The following SPTBN1 variants were observed in gnomAD, a reference collection of about 807,000 sequenced individuals.
SPTBN1 encodes the protein spectrin beta, non-erythrocytic 1.
Under a neutral mutation model 266.4 loss-of-function variants are expected in SPTBN1, and 32 were observed. The observed-to-expected ratio is 0.12, with a 90% CI of 0.09 to 0.16. The LOEUF is 0.16. SPTBN1 is among the 10% of genes least tolerant of loss of function. SPTBN1 has a pLI of 1.00. For synonymous variants in SPTBN1, 1,336 were observed against 1,162.2 expected, an observed-to-expected ratio of 1.15 and a Z score of -3.04; for missense variants, 2,296 against 3,067.1, an observed-to-expected ratio of 0.75 and a Z score of 5.94.
chr2:54,465,667 T>C (rs1341715157), intron 1 of SPTBN1, among the ~76,000 whole-genome samples: 2 of 138,810 alleles, frequency 1.4e-5, no homozygotes, highest in Non-Finnish European at 3.1e-5. Context: ...TATATATATA[T>C]ATCTCACACA....
intron 1 of SPTBN1, among the ~76,000 whole-genome samples, chr2:54,463,464 AG>A (rs999182954): frequency 3.3e-5 from 5 of 152,180 alleles, no homozygotes; most frequent in African/African-American, 1.2e-4. Context: ...CTTTGGATGG[AG>A]GGGCCCTGGG....
intron 2 of SPTBN1, among the ~76,000 whole-genome samples, chr2:54,538,907 A>G (rs1231634976): frequency 6.6e-6 from 1 of 152,156 alleles, no homozygotes; most frequent in Admixed American, 6.5e-5. Flanking sequence ...CCTGTGTTAC[A>G]TGTTTACCTA....
chr2:54,657,648 CT>C (rs1444500518), intron 29 of SPTBN1, among the ~76,000 whole-genome samples: 1 of 152,130 alleles, frequency 6.6e-6, no homozygotes, highest in Non-Finnish European at 1.5e-5. Context: ...TATTTTTACT[CT>C]TTTTAATGTG....
At chr2:54,486,420 C>T (rs1385818831) in intron 1 of SPTBN1, among the ~76,000 whole-genome samples, 1 of 152,142 alleles carries the variant, frequency 6.6e-6, no homozygotes, top group African/African-American at 2.4e-5. Context: ...TGTGACCTTA[C>T]CCCCAACCCT....
At chr2:54,505,292 C>A (rs1328762120) in intron 1 of SPTBN1, among the ~76,000 whole-genome samples, 1 of 152,190 alleles carries the variant, frequency 6.6e-6, no homozygotes, top group Non-Finnish European at 1.5e-5. Context: ...CCACACAGTA[C>A]TCAGTTCTTT....
chr2:54,565,479 G>T (rs1029070538), intron 2 of SPTBN1, among the ~76,000 whole-genome samples: 5 of 152,096 alleles, frequency 3.3e-5, no homozygotes, highest in Non-Finnish European at 7.4e-5. Flanking sequence ...ACCTGCCTCA[G>T]TTCTCCCACA....
At chr2:54,461,233 A>G (rs1693352895) in intron 1 of SPTBN1, among the ~76,000 whole-genome samples, 1 of 152,200 alleles carries the variant, frequency 6.6e-6, no homozygotes, top group South Asian at 2.1e-4. Context: ...CTTCTGACTC[A>G]CATATTTAGA....
chr2:54,632,788 T>C lies in SPTBN1; in HGVS notation c.3767+20T>C. ...TGACAGGTACAGTTTTCTGAGGTTCTTAAGGGAGCCTTGCACCTTGGGGCT... is the reference window on the plus strand; with the variant it reads ...TGACAGGTACAGTTTTCTGAGGTTCCTAAGGGAGCCTTGCACCTTGGGGCT... On this transcript the variant is annotated intron_variant, in intron 17 of 35. Transcript: ENST00000356805. 6.2e-7 allele frequency: 1 copy of C among 1,613,010 alleles called. No individual in the cohort carries two copies. Among genetic ancestry groups the C allele is most frequent in the Non-Finnish European group, 8.5e-7 (1 of 1,179,422 alleles).
At chr2:54,596,521 TTCTG>T (rs563202096) in intron 2 of SPTBN1, among the ~76,000 whole-genome samples, 84 of 152,198 alleles carry the variant, frequency 5.5e-4, no homozygotes, top group South Asian at 2.3e-3. Flanking sequence ...GGATGGAATC[TTCTG>T]TGTCTTTTCC....
In SPTBN1 at chr2:54,659,995, C is replaced by T. The variant is rs1680929267; in HGVS notation, c.6416C>T (p.Pro2139Leu). ...GGTTTGCCAGCTGAACAGGGATCTC[C>T]ACGGGTTAGTTACCGCTCTCAAACC... ...QNGLPAEQGS[P>L]RMAETVDTSE... is the part of the protein sequence containing the mutation. Residue 2139 changes from proline (P) to leucine (L), a missense_variant, in exon 32 of 36, where the codon CCA becomes CTA. Pro to Leu is a moderately conservative substitution (Grantham distance 98, BLOSUM62 -3). This residue lies in a region of SPTBN1 where 347 missense variants were observed against 368.5 expected (regional missense o/e 0.94). Coordinates refer to ENST00000356805, the MANE Select transcript of SPTBN1 (RefSeq NM_003128.3). 1 of 1,614,046 alleles carries T rather than the reference C, an allele frequency of 6.2e-7. No individual in the cohort carries two copies.
chr2:54,551,920 G>A (rs1341513800), intron 2 of SPTBN1, among the ~76,000 whole-genome samples: 1 of 152,026 alleles, frequency 6.6e-6, no homozygotes, highest in Non-Finnish European at 1.5e-5. Flanking sequence ...TAGGACTTCT[G>A]TAACTTGTTT....
intron 2 of SPTBN1, among the ~76,000 whole-genome samples, chr2:54,549,407 A>G (rs1672438762): frequency 6.6e-6 from 1 of 152,014 alleles, no homozygotes; most frequent in Non-Finnish European, 1.5e-5. Context: ...TTTAAGTAAG[A>G]TTCTGTTGTA....
At position 54,617,686 on chromosome 2, in the gene SPTBN1, C is replaced by G; in HGVS notation, c.645C>G (p.His215Gln). The G allele has an allele frequency of 6.2e-7, 1 of 1,613,984 alleles. No individual in the cohort carries two copies. Among genetic ancestry groups the G allele is most frequent in the Non-Finnish European group, 8.5e-7 (1 of 1,179,880 alleles). The change falls in exon 6 of 36, where the codon CAC becomes CAG. Residue 215 changes from histidine (H) to glutamine (Q), a missense_variant and splice_region_variant. Physicochemically the swap from His to Gln is conservative, Grantham distance 24. Transcript: ENST00000356805. ...GMAFNALIHK[H>Q]RPDLIDFDKL... is the part of the protein sequence containing the mutation. ...CCTTCAATGCACTGATACACAAACA[C>G]CGGTAAGTCCATACAAATCATCCTA... is the stretch of plus-strand genomic sequence containing the variant.
At chr2:54,548,217 G>A (rs544562695) in intron 2 of SPTBN1, among the ~76,000 whole-genome samples, 2 of 152,224 alleles carry the variant, frequency 1.3e-5, no homozygotes, top group Middle Eastern at 3.4e-3. Flanking sequence ...CTCCTGAGTA[G>A]GCTATTCCTC....
intron 26 of SPTBN1, chr2:54,652,626 G>A (rs991210085): frequency 6.6e-6 from 1 of 152,130 alleles, no homozygotes; most frequent in Non-Finnish European, 1.5e-5. Flanking sequence ...AAATCAGAAG[G>A]TACCACATTT....
chr2:54,516,835 C>T (rs934005339), intron 1 of SPTBN1, among the ~76,000 whole-genome samples: 1 of 152,180 alleles, frequency 6.6e-6, no homozygotes, highest in Non-Finnish European at 1.5e-5. Flanking sequence ...TGCTTTTATA[C>T]ATTTTAGGGA....
intron 29 of SPTBN1, 127 bp from the exon 30 acceptor site, chr2:54,657,723 T>G: frequency 8.8e-7 from 1 of 1,131,434 alleles, no homozygotes; most frequent in Non-Finnish European, 1.3e-6. Flanking sequence ...CAGGGCTAAT[T>G]TAGAGTAGAC....
rs769185620 is a variant in SPTBN1 at position 54,458,993 on chromosome 2, CTT to C, written c.-48+2479_-48+2480del. Among the ~76,000 whole-genome samples the C allele has an allele frequency of 4.5e-4, 68 of 152,244 alleles. 1 individual carries two copies. The highest frequency in any genetic ancestry group is 1.0e-3 in the South Asian group (5 of 4,822). On this transcript the variant is annotated intron_variant, in intron 1 of 35. Transcript: ENST00000356805. ...CTCTAATAGCCATTAAAATATGAGA[CTT>C]TTTGTGCTGGTTGTGTAAAATCGTG...
chr2:54,667,125 C>A (rs549994424), intron 34 of SPTBN1, among the ~76,000 whole-genome samples: 6 of 152,314 alleles, frequency 3.9e-5, no homozygotes, highest in Non-Finnish European at 8.8e-5. Context: ...AATAGGGCTT[C>A]TTAATTCTGA....
Sources: gnomAD v4.1 joint callset for allele counts (sites outside exome capture counted in the v4.1 genomes callset) on GRCh38, gnomAD v4.1.1 for gene constraint, gnomAD v4.1.1 regional missense constraint, MANE v1.5 for transcripts, NCBI Gene and HGNC (gene_info 2026-07-23, HGNC 2026-07-21) for gene names.